NHSL3: variants seen among roughly 807,000 people sequenced by gnomAD.
NHSL3 encodes the protein NHS like 3.
chr1:32,747,326 C>T, the NHSL3 span, among the ~76,000 whole-genome samples: 1 of 151,950 alleles, frequency 6.6e-6, no homozygotes, highest in African/African-American at 2.4e-5. Context: ...AGGTGAGTGC[C>T]ACCGTGCCTG....
the NHSL3 span, chr1:32,742,320 G>A: frequency 2.2e-6 from 2 of 893,424 alleles, no homozygotes; most frequent in Non-Finnish European, 2.9e-6. Flanking sequence ...AAAGCGAAGA[G>A]GCCAGGGCTG....
chr1:32,767,759 C>T, the NHSL3 span: 7 of 1,582,462 alleles, frequency 4.4e-6, no homozygotes, highest in East Asian at 1.6e-4. Context: ...GCCTTTACCT[C>T]ATTTCCCTTC....
chr1:32,757,205 A>G, the NHSL3 span, among the ~76,000 whole-genome samples: 1 of 152,176 alleles, frequency 6.6e-6, no homozygotes, highest in Non-Finnish European at 1.5e-5. Flanking sequence ...TTAGTCTGTG[A>G]GAAGAGGAAG....
chr1:32,767,324 G>A, the NHSL3 span, among the ~76,000 whole-genome samples: 8 of 152,116 alleles, frequency 5.3e-5, no homozygotes, highest in African/African-American at 1.2e-4. Context: ...GTACATAGTC[G>A]TGTGTATACT....
chr1:32,746,771 G>C, the NHSL3 span, among the ~76,000 whole-genome samples: 1 of 152,256 alleles, frequency 6.6e-6, no homozygotes, highest in Non-Finnish European at 1.5e-5. Flanking sequence ...GCCTCCAGAG[G>C]CCACACTCTA....
the NHSL3 span, among the ~76,000 whole-genome samples, chr1:32,760,255 T>C: frequency 0.99 from 150,300 of 152,276 alleles, 74,205 homozygotes; most frequent in East Asian, 1. Context: ...GCCCTCCCCC[T>C]TCATTCCTCT....
At chr1:32,752,973 G>C in the NHSL3 span, among the ~76,000 whole-genome samples, 7,687 of 92,698 alleles carry the variant, frequency 0.083, 450 homozygotes, top group Middle Eastern at 0.15. Context: ...ATATATTTTG[G>C]TTTTTTTTTT....
chr1:32,769,332 C>T, the NHSL3 span, among the ~76,000 whole-genome samples: 1 of 152,236 alleles, frequency 6.6e-6, no homozygotes, highest in South Asian at 2.1e-4. Context: ...GCTGTGTGAC[C>T]TTGGGAAAAC....
chr1:32,743,150 C>G, the NHSL3 span, among the ~76,000 whole-genome samples: 5 of 152,306 alleles, frequency 3.3e-5, no homozygotes, highest in South Asian at 1.0e-3. Flanking sequence ...GGGTGGAGCT[C>G]CCTTGGGGCT....
the NHSL3 span, among the ~76,000 whole-genome samples, chr1:32,753,850 C>G: frequency 2.6e-5 from 4 of 152,280 alleles, no homozygotes; most frequent in South Asian, 6.2e-4. Flanking sequence ...GCGGCTCAGC[C>G]GGTCTCCCAG....
At chr1:32,759,953 G>A in the NHSL3 span, among the ~76,000 whole-genome samples, 5 of 152,212 alleles carry the variant, frequency 3.3e-5, no homozygotes, top group Non-Finnish European at 5.9e-5. Flanking sequence ...TTTGAGAACC[G>A]TAAAGTGCCT....
At chr1:32,753,537 A>C in the NHSL3 span, among the ~76,000 whole-genome samples, 1 of 152,216 alleles carries the variant, frequency 6.6e-6, no homozygotes, top group African/African-American at 2.4e-5. Flanking sequence ...TTGTGGATAA[A>C]ATGAAGTAAT....
the NHSL3 span, chr1:32,772,837 C>G: frequency 6.2e-7 from 1 of 1,613,128 alleles, no homozygotes; most frequent in East Asian, 2.2e-5. Flanking sequence ...AGGCCCCTTG[C>G]TAAGTGTCTC....
the NHSL3 span, chr1:32,742,252 T>C: frequency 2.2e-5 from 27 of 1,227,662 alleles, no homozygotes; most frequent in Non-Finnish European, 2.7e-5. Flanking sequence ...GAGGGGGCTC[T>C]GCCGGGGGTC....
chr1:32,756,476 C>CCG, the NHSL3 span, among the ~76,000 whole-genome samples: 14 of 107,672 alleles, frequency 1.3e-4, 2 homozygotes, highest in Admixed American at 1.1e-3. Context: ...CGAGACCCCC[C>CCG]CCCCCCGCCC....
At chr1:32,774,886 C>G in the NHSL3 span, 3 of 152,466 alleles carry the variant, frequency 2.0e-5, no homozygotes, top group South Asian at 6.2e-4. Context: ...TCTAAAAATC[C>G]ATTCCCTCTG....
chr1:32,771,259 C>T, the NHSL3 span: 4 of 1,612,764 alleles, frequency 2.5e-6, no homozygotes, highest in Non-Finnish European at 3.4e-6. Context: ...TGCTGTGGTT[C>T]CTGGGCCTGT....
At chr1:32,765,678 C>T in the NHSL3 span, 10 of 1,538,058 alleles carry the variant, frequency 6.5e-6, no homozygotes, top group African/African-American at 5.5e-5. Flanking sequence ...GCTCGCATCC[C>T]CATAGTGCTG....
the NHSL3 span, chr1:32,767,813 C>T: frequency 6.2e-7 from 1 of 1,612,772 alleles, no homozygotes; most frequent in Non-Finnish European, 8.5e-7. Flanking sequence ...GAATGACAAA[C>T]ATCTAAGTGT....
Sources: gnomAD v4.1 joint callset for allele counts (sites outside exome capture counted in the v4.1 genomes callset) on GRCh38, gnomAD v4.1.1 for gene constraint, MANE v1.5 for transcripts, NCBI Gene and HGNC (gene_info 2026-07-23, HGNC 2026-07-21) for gene names.